Variants in PHACTR3 observed in about 807,000 individuals in gnomAD.
PHACTR3 encodes the protein protein phosphatase 1, regulatory subunit 123.
PHACTR3 carries 16 observed loss-of-function variants against 66.8 expected under a neutral mutation model. The ratio of observed to expected loss-of-function variants is 0.24; its 90% CI spans 0.16 to 0.36. The LOEUF (loss-of-function observed/expected upper bound fraction) is 0.36, where lower values mean the gene tolerates loss of function less well. PHACTR3 is among the 10% of genes least tolerant of loss of function. The pLI is 1.00. For missense variants in PHACTR3, 647 were observed against 719.9 expected (o/e 0.90, Z 1.16); for synonymous variants, 323 against 292.1 (o/e 1.11, Z -1.08).
chr20:59,588,546 T>A (rs2033100959), intron 1 of PHACTR3, among the ~76,000 whole-genome samples: 1 of 152,142 alleles, frequency 6.6e-6, no homozygotes, highest in Admixed American at 6.5e-5. Context: ...TCTCCCAGGA[T>A]AAAATCCACG....
intron 1 of PHACTR3, among the ~76,000 whole-genome samples, chr20:59,702,368 C>T (rs1170419576): frequency 1.3e-5 from 2 of 152,098 alleles, no homozygotes; most frequent in Admixed American, 6.6e-5. Flanking sequence ...GATCCTGCAC[C>T]TTCATCCTTT....
intron 4 of PHACTR3, among the ~76,000 whole-genome samples, chr20:59,766,422 C>T (rs1280292272): frequency 4.6e-5 from 7 of 152,020 alleles, no homozygotes; most frequent in South Asian, 2.1e-4. Context: ...ACTGTTGGTC[C>T]GATTGTTGTT....
intron 1 of PHACTR3, among the ~76,000 whole-genome samples, chr20:59,735,986 G>A (rs1229233991): frequency 6.6e-6 from 1 of 152,086 alleles, no homozygotes; most frequent in East Asian, 1.9e-4. Context: ...TGTTGATGGG[G>A]GAAAGGGATG....
chr20:59,636,542 G>A (rs2034906958), intron 1 of PHACTR3, among the ~76,000 whole-genome samples: 2 of 152,216 alleles, frequency 1.3e-5, no homozygotes, highest in Non-Finnish European at 2.9e-5. Flanking sequence ...GGGTGTGGGA[G>A]ATGGCCAGGA....
Position 59,604,832 on chromosome 20 carries a change from G to A in PHACTR3, c.-183G>A. On this transcript the variant is annotated 5_prime_UTR_variant, in exon 1 of 13. It removes the in-frame stop codon of an upstream open reading frame in the 5' UTR. Transcript: ENST00000371015. Reference sequence around the variant, plus strand: ...GGCGAGGCTATTGTCTCCCCGCCCTGAAGCCAGCCCCGGCGTCTTTCTCCA... The same window carrying A: ...GGCGAGGCTATTGTCTCCCCGCCCTAAAGCCAGCCCCGGCGTCTTTCTCCA... The A allele has an allele frequency of 8.3e-7, 1 of 1,210,904 alleles. No individual in the cohort carries two copies. Among genetic ancestry groups the A allele is most frequent in the Non-Finnish European group, 1.0e-6 (1 of 976,878 alleles). 75.0% of individuals were successfully genotyped at this position (1,210,904 alleles called of 1,614,324 possible). A position where few individuals can be genotyped will look rare whatever the true frequency, so the allele number is the denominator to read the frequency against.
At chr20:59,824,115 C>G (rs1029422563) in intron 8 of PHACTR3, among the ~76,000 whole-genome samples, 3 of 152,190 alleles carry the variant, frequency 2.0e-5, no homozygotes, top group African/African-American at 7.2e-5. Flanking sequence ...CCATTTCAGC[C>G]AGGACACTCT....
intron 8 of PHACTR3, among the ~76,000 whole-genome samples, chr20:59,825,796 ATGTT>A (rs1464353539): frequency 1.3e-5 from 2 of 152,092 alleles, no homozygotes; most frequent in Non-Finnish European, 2.9e-5. Flanking sequence ...TGTGGTCTGA[ATGTT>A]TGTGTCCTCC....
chr20:59,771,839 T>C (rs1601318358), intron 5 of PHACTR3, among the ~76,000 whole-genome samples: 4 of 152,374 alleles, frequency 2.6e-5, no homozygotes, highest in South Asian at 2.1e-4. Context: ...ATACTTTTTA[T>C]TGATGCTGTC....
chr20:59,721,452 A>AT (rs1240773267), intron 1 of PHACTR3: 9 of 152,636 alleles, frequency 5.9e-5, no homozygotes, highest in Non-Finnish European at 1.3e-4. Flanking sequence ...AGACATGATG[A>AT]TGGGGCGATG....
chr20:59,741,533 C>T (rs2039162970), intron 1 of PHACTR3, among the ~76,000 whole-genome samples: 1 of 152,220 alleles, frequency 6.6e-6, no homozygotes. Flanking sequence ...GCCTGGGTGA[C>T]GGCCTGAACT....
chr20:59,604,214 G>C (rs1445538486), upstream of PHACTR3, among the ~76,000 whole-genome samples: 1 of 152,158 alleles, frequency 6.6e-6, no homozygotes, highest in Non-Finnish European at 1.5e-5. Context: ...TGGCCTCCCA[G>C]TCCCAGGAGA....
intron 1 of PHACTR3, among the ~76,000 whole-genome samples, chr20:59,692,606 C>A (rs6128663): frequency 1.3e-5 from 2 of 152,196 alleles, no homozygotes; most frequent in African/African-American, 4.8e-5. Flanking sequence ...TCAAACAACG[C>A]TTTGAGGTAG....
At chr20:59,816,755 G>C (rs1007642550) in intron 8 of PHACTR3, among the ~76,000 whole-genome samples, 10 of 152,228 alleles carry the variant, frequency 6.6e-5, no homozygotes, top group Admixed American at 1.3e-4. Flanking sequence ...GATTGGATAG[G>C]TGGGTGGTTG....
Position 59,731,185 on chromosome 20 carries a change from A to G in PHACTR3, c.119-11922A>G, listed in dbSNP as rs928606639. ...TGTGATATTATTTCTCTAAATTTCT[A>G]CTACAATACTAAAGTCTCCTGATGT... is the stretch of plus-strand genomic sequence containing the variant. On this transcript the variant is annotated intron_variant, in intron 1 of 12. Transcript: ENST00000371015. Among the ~76,000 whole-genome samples the G allele has an allele frequency of 1.2e-4, 18 of 152,296 alleles. No individual in the cohort carries two copies. In the East Asian group the frequency reaches 3.1e-3, roughly 26 times the overall value.
At chr20:59,589,301 A>AT (rs2033123435) in intron 1 of PHACTR3, among the ~76,000 whole-genome samples, 1 of 152,156 alleles carries the variant, frequency 6.6e-6, no homozygotes, top group Non-Finnish European at 1.5e-5. Flanking sequence ...GCTTTCCCCA[A>AT]ATGCGAAATC....
intron 1 of PHACTR3, among the ~76,000 whole-genome samples, chr20:59,694,919 G>A (rs1052848767): frequency 9.9e-5 from 15 of 152,148 alleles, no homozygotes; most frequent in Admixed American, 6.6e-4. Context: ...GCCATTCAGT[G>A]CTTCTTCTAG....
At chr20:59,783,197 G>T (rs2040786265) in intron 7 of PHACTR3, among the ~76,000 whole-genome samples, 1 of 152,156 alleles carries the variant, frequency 6.6e-6, no homozygotes, top group Non-Finnish European at 1.5e-5. Context: ...CTAGAGATTT[G>T]AAAGGCTGTG....
intron 1 of PHACTR3, among the ~76,000 whole-genome samples, chr20:59,727,412 T>C (rs2038607058): frequency 6.6e-6 from 1 of 152,114 alleles, no homozygotes; most frequent in Admixed American, 6.5e-5. Flanking sequence ...CAGTCGTGTA[T>C]AAGGACTGTA....
At chr20:59,750,815 T>A (rs2039551844) in intron 3 of PHACTR3, among the ~76,000 whole-genome samples, 1 of 152,182 alleles carries the variant, frequency 6.6e-6, no homozygotes, top group African/African-American at 2.4e-5. Flanking sequence ...CTTTACTGTG[T>A]GCCACCTGTA....
Sources: gnomAD v4.1 joint callset for allele counts (sites outside exome capture counted in the v4.1 genomes callset) on GRCh38, gnomAD v4.1.1 for gene constraint, MANE v1.5 for transcripts, NCBI Gene and HGNC (gene_info 2026-07-23, HGNC 2026-07-21) for gene names.